INTS8: variants seen among roughly 807,000 people sequenced by gnomAD.
The protein encoded by INTS8 is protein kaonashi-1.
INTS8 carries 47 observed loss-of-function variants against 138.9 expected under a neutral mutation model. The observed-to-expected ratio is 0.34, with a 90% CI of 0.27 to 0.43. The LOEUF (loss-of-function observed/expected upper bound fraction) is 0.43, where lower values mean the gene tolerates loss of function less well. INTS8 is among the 20% of genes least tolerant of loss of function. The pLI is 1.00. For synonymous variants in INTS8, 392 were observed against 400.9 expected, an observed-to-expected ratio of 0.98 and a Z score of 0.27; for missense variants, 996 against 1,173.0, an observed-to-expected ratio of 0.85 and a Z score of 2.20.
intron 10 of INTS8, among the ~76,000 whole-genome samples, chr8:94,842,899 G>A (rs1281205974): frequency 1.3e-5 from 2 of 152,126 alleles, no homozygotes; most frequent in African/African-American, 4.8e-5. Flanking sequence ...GTTTCTACTG[G>A]ATCACTCTAC....
intron 7 of INTS8, among the ~76,000 whole-genome samples, chr8:94,837,123 T>C (rs1333007046): frequency 6.6e-6 from 1 of 152,246 alleles, no homozygotes; most frequent in Non-Finnish European, 1.5e-5. Context: ...ACCACATTAC[T>C]TTCCAGGTAC....
intron 15 of INTS8, among the ~76,000 whole-genome samples, chr8:94,857,405 C>T (rs942105259): frequency 1.3e-5 from 2 of 152,098 alleles, no homozygotes; most frequent in Non-Finnish European, 2.9e-5. Flanking sequence ...AGTTATTTCA[C>T]TCCTAAAACA....
rs1403590937 is a variant in INTS8, at chr8:94,831,538, G to A, written c.571-454G>A. Among the ~76,000 whole-genome samples the A allele has an allele frequency of 3.4e-5, 5 of 145,600 alleles. No homozygotes were observed. The East Asian group carries it at 1.0e-3, about 30-fold the overall frequency. On this transcript the variant is annotated intron_variant, in intron 5 of 26. Coordinates refer to ENST00000523731, the MANE Select transcript of INTS8 (RefSeq NM_017864.4). ...GCTCTGTCACCCAGGCCGGAGTGCA[G>A]TGGCACGATCTTGGCTCACTGCGAC...
chr8:94,838,507 A>C lies in INTS8; in HGVS notation c.906A>C (p.Leu302Phe). ...SLHCTIDEKRLAGYCQACDVL... is the reference protein window; with the variant it reads ...SLHCTIDEKRFAGYCQACDVL... ...ATTGTACCATAGATGAGAAGCGGTT[A>C]GCTGGCTATTGTCAAGCATGTGATG... is the stretch of plus-strand genomic sequence containing the variant. Residue 302 changes from leucine (L) to phenylalanine (F), a missense_variant, in exon 8 of 27, where the codon TTA (leucine) becomes TTC (phenylalanine). Leu to Phe is a conservative substitution (Grantham distance 22). Coordinates refer to ENST00000523731, the MANE Select transcript of INTS8 (RefSeq NM_017864.4). The C allele has an allele frequency of 6.2e-7, 1 of 1,613,698 alleles. No individual in the cohort carries two copies. The highest frequency in any genetic ancestry group is 2.2e-5 in the East Asian group (1 of 44,886).
intron 15 of INTS8, among the ~76,000 whole-genome samples, chr8:94,858,336 T>C (rs1315141026): frequency 2.6e-5 from 4 of 152,224 alleles, no homozygotes; most frequent in Non-Finnish European, 4.4e-5. Flanking sequence ...CATGCAGTTA[T>C]AGATCATAAC....
chr8:94,872,906 C>A (rs996435688), intron 21 of INTS8, among the ~76,000 whole-genome samples: 1 of 152,170 alleles, frequency 6.6e-6, no homozygotes, highest in African/African-American at 2.4e-5. Context: ...GTGCTGAACA[C>A]CGTGGGTCTA....
At chr8:94,870,099 T>G (rs918755638) in intron 20 of INTS8, among the ~76,000 whole-genome samples, 1 of 151,946 alleles carries the variant, frequency 6.6e-6, no homozygotes, top group Non-Finnish European at 1.5e-5. Context: ...TCACCCAGGC[T>G]GGAGTGCAGT....
At chr8:94,849,647 A>C in intron 11 of INTS8, 115 bp downstream of exon 11, 1 of 675,598 alleles carries the variant, frequency 1.5e-6, no homozygotes, top group East Asian at 2.8e-5. Context: ...ACCAGGCAGT[A>C]ACTGGTGTTT....
chr8:94,879,163 A>G (rs1425564615), intron 26 of INTS8, among the ~76,000 whole-genome samples: 4 of 152,196 alleles, frequency 2.6e-5, no homozygotes, highest in Non-Finnish European at 4.4e-5. Context: ...TCTACTACCA[A>G]CTTTTGCCAC....
intron 6 of INTS8, among the ~76,000 whole-genome samples, chr8:94,836,152 G>C (rs1814920355): frequency 6.6e-6 from 1 of 152,110 alleles, no homozygotes; most frequent in Non-Finnish European, 1.5e-5. Flanking sequence ...CTGCTTTCAG[G>C]GTCTGGTCCG....
chr8:94,824,419 C>T (rs890040097), intron 1 of INTS8, among the ~76,000 whole-genome samples: 18 of 152,210 alleles, frequency 1.2e-4, no homozygotes, highest in African/African-American at 4.3e-4. Flanking sequence ...TAATTGCTCA[C>T]ATCCGTTACC....
chr8:94,861,279 T>TTTTTTTTTTTGGG (rs1815966061), intron 16 of INTS8, among the ~76,000 whole-genome samples: 1 of 126,740 alleles, frequency 7.9e-6, no homozygotes, highest in East Asian at 2.4e-4. Flanking sequence ...TTTTTTTTTT[T>TTTTTTTTTTTGGG]GAGACGGAGT....
Position 94,865,704 on chromosome 8 carries a change from CGTT to C in INTS8, c.2261+15_2261+17del. On this transcript the variant is annotated intron_variant, in intron 17 of 26. Coordinates refer to ENST00000523731, the MANE Select transcript of INTS8 (RefSeq NM_017864.4). ...TATCATGTATCGGTATGTATTGGTA[CGTT>C]TCTATTAGTTGTGTTTGAGTTCTTA... 1 of 1,605,936 alleles carries C rather than the reference CGTT, an allele frequency of 6.2e-7. No homozygotes were observed. Among genetic ancestry groups the C allele is most frequent in the Non-Finnish European group, 8.5e-7 (1 of 1,173,476 alleles).
At chr8:94,840,074 G>C (rs1250027757) in intron 8 of INTS8, among the ~76,000 whole-genome samples, 1 of 152,184 alleles carries the variant, frequency 6.6e-6, no homozygotes, top group Non-Finnish European at 1.5e-5. Flanking sequence ...GAATTTTGTT[G>C]CATCTTTGAG....
In INTS8 at chr8:94,838,555, T is replaced by A; in HGVS notation, c.954T>A (p.Ser318Arg). Residue 318 changes from serine to arginine, a missense_variant, in exon 8 of 27, where the codon AGT becomes AGA. Physicochemically the swap from Ser to Arg is moderately radical, Grantham distance 110 (BLOSUM62 -1). Transcript: ENST00000523731. ...ATGTTCTTGTACCTTCTTCTGATAG[T>A]ACATCTCAACAGTTGACTCCATATA... ...ACDVLVPSSDSTSQQLTPYSQ... is the reference protein window; with the variant it reads ...ACDVLVPSSDRTSQQLTPYSQ... 1 of 1,613,238 alleles carries A rather than the reference T, an allele frequency of 6.2e-7. No individual in the cohort carries two copies. Among genetic ancestry groups the A allele is most frequent in the Non-Finnish European group, 8.5e-7 (1 of 1,179,124 alleles).
chr8:94,876,169 T>G (rs1321550841), intron 24 of INTS8, 22 bp downstream of exon 24: 6 of 1,604,422 alleles, frequency 3.7e-6, no homozygotes, highest in Non-Finnish European at 5.1e-6. Context: ...ATTTTAAAAA[T>G]AATGAGGTCA....
At chr8:94,861,561 C>CT (rs1286868999) in intron 16 of INTS8, among the ~76,000 whole-genome samples, 10 of 147,802 alleles carry the variant, frequency 6.8e-5, no homozygotes, top group Admixed American at 2.7e-4. Context: ...GAGCCCGGCC[C>CT]TTTTTTTTGA....
intron 5 of INTS8, among the ~76,000 whole-genome samples, chr8:94,831,522 C>T (rs1479254788): frequency 6.9e-6 from 1 of 144,816 alleles, no homozygotes; most frequent in Non-Finnish European, 1.5e-5. Context: ...CGCTCTGTCA[C>T]CCAGGCCGGA....
At chr8:94,838,707 G>A (rs945091839) in intron 8 of INTS8, 89 bp downstream of exon 8, 19 of 1,040,490 alleles carry the variant, frequency 1.8e-5, no homozygotes, top group South Asian at 7.7e-5. Flanking sequence ...CCAGTTACGC[G>A]TTTTGGGGCA....
Sources: gnomAD v4.1 joint callset for allele counts (sites outside exome capture counted in the v4.1 genomes callset) on GRCh38, gnomAD v4.1.1 for gene constraint, MANE v1.5 for transcripts, NCBI Gene and HGNC (gene_info 2026-07-23, HGNC 2026-07-21) for gene names.